MBTPS2: variants seen among roughly 807,000 people sequenced by gnomAD.
MBTPS2 encodes membrane-bound transcription factor site-2 protease.
In MBTPS2, 2 loss-of-function variants were observed where a neutral mutation model predicts 35.4. The observed-to-expected ratio is 0.06, with a 90% confidence interval of 0.02 to 0.18. The LOEUF (loss-of-function observed/expected upper bound fraction) is 0.18, where lower values mean the gene tolerates loss of function less well. Ranked by LOEUF, MBTPS2 falls within the 10% of genes least tolerant of loss-of-function variation. The probability of loss-of-function intolerance (pLI) is 1.00; values close to 1 mark genes in which losing one functional copy is unlikely to be tolerated. For synonymous variants in MBTPS2, 125 were observed against 140.4 expected (o/e 0.89, Z 0.77); for missense variants, 244 against 386.5 (o/e 0.63, Z 3.09).
At position 21,839,747 on chromosome X, in the gene MBTPS2, T is replaced by G. The variant is rs2147425818; in HGVS notation, c.13T>G (p.Ser5Ala). 1 of 1,187,977 alleles carries G rather than the reference T, an allele frequency of 8.4e-7. No individual in the cohort carries two copies. The highest frequency in any genetic ancestry group is 3.1e-5 in the East Asian group (1 of 32,780). The change falls in exon 1 of 11, where the codon TCG (serine) becomes GCG (alanine). Residue 5 changes from serine (S) to alanine (A), a missense_variant. Ser to Ala is a moderately conservative substitution (Grantham distance 99). Transcript: ENST00000379484. MIPV[S>A]LVVVVVGGWT... ...CGCCGCTGCCGCCATGATTCCGGTG[T>G]CGCTGGTGGTGGTGGTGGTGGGTGG... is the stretch of plus-strand genomic sequence containing the variant.
At chrX:21,850,373 C>T (rs1019306723) in intron 3 of MBTPS2, among the ~76,000 whole-genome samples, 3 of 111,392 alleles carry the variant, frequency 2.7e-5, no homozygotes, top group Non-Finnish European at 5.7e-5. Context: ...GAAGGACATA[C>T]ATCAGAATGG....
Position 21,851,588 on chromosome X carries a change from T to C in MBTPS2, c.518T>C (p.Ile173Thr), listed in dbSNP as rs1282986235. Reference sequence around the variant, plus strand: ...CTCATTAGTGGTGTTGTACATGAAATTGGACATGGGATAGCAGCTATTAGG... The same window carrying C: ...CTCATTAGTGGTGTTGTACATGAAACTGGACATGGGATAGCAGCTATTAGG... ...AVLISGVVHE[I>T]GHGIAAIREQ... is the part of the protein sequence containing the mutation. Residue 173 changes from isoleucine (I) to threonine (T), a missense_variant, in exon 4 of 11, where the codon ATT becomes ACT. Transcript: ENST00000379484. The C allele has an allele frequency of 3.4e-6, 4 of 1,192,733 alleles. No individual in the cohort carries two copies. In the South Asian group the frequency reaches 5.3e-5, roughly 16 times the overall value.
chrX:21,842,507 G>A (rs1009957906), intron 1 of MBTPS2, among the ~76,000 whole-genome samples: 22 of 109,309 alleles, frequency 2.0e-4, no homozygotes, highest in African/African-American at 6.7e-4. Flanking sequence ...AGCCACATGT[G>A]GTTATTGAGC....
intron 5 of MBTPS2, among the ~76,000 whole-genome samples, chrX:21,866,047 T>G (rs1364216537): frequency 9.0e-6 from 1 of 111,423 alleles, no homozygotes; most frequent in African/African-American, 3.3e-5. Flanking sequence ...TCAAGTGATC[T>G]GCCCACCTCA....
intron 5 of MBTPS2, 140 bp from the exon 6 acceptor site, chrX:21,868,327 T>G (rs1344731757): frequency 1.8e-6 from 1 of 552,640 alleles, no homozygotes; most frequent in Admixed American, 2.3e-5. Flanking sequence ...TCTGCTCTAC[T>G]AATAAGTAGA....
intron 7 of MBTPS2, among the ~76,000 whole-genome samples, chrX:21,877,034 T>C (rs998254101): frequency 8.9e-6 from 1 of 112,158 alleles, no homozygotes; most frequent in Non-Finnish European, 1.9e-5. Context: ...TTTGATGTGT[T>C]GGAATGCAGC....
intron 7 of MBTPS2, among the ~76,000 whole-genome samples, chrX:21,873,686 G>T (rs371720547): frequency 1.8e-5 from 2 of 109,903 alleles, no homozygotes; most frequent in African/African-American, 3.3e-5. Flanking sequence ...AGGAGGTGAG[G>T]GTTTATGCCC....
intron 7 of MBTPS2, chrX:21,871,305 T>A (rs1354474122): frequency 8.9e-6 from 1 of 112,277 alleles, no homozygotes; most frequent in Non-Finnish European, 1.9e-5. Context: ...TTTCCTTTAT[T>A]ATATATTGTT....
rs751466823 is a variant in MBTPS2 at position 21,874,345 on chromosome X, A to G, written c.971-3697A>G. ...CAGCCTCGTGTGTGTGTGTGTGTTT[A>G]ATTTTACTACTTGTTACTAGGCAAT... is the stretch of plus-strand genomic sequence containing the variant. On this transcript the variant is annotated intron_variant, in intron 7 of 10. Transcript: ENST00000379484. 1.3e-4 allele frequency among the ~76,000 whole-genome samples: 14 copies of G among 110,214 alleles called. No individual in the cohort carries two copies. In the East Asian group the frequency reaches 3.7e-3, roughly 29 times the overall value.
At chrX:21,869,750 T>C (rs2092944922) in intron 7 of MBTPS2, 72 bp downstream of exon 7, 1 of 805,880 alleles carries the variant, frequency 1.2e-6, no homozygotes, top group Non-Finnish European at 1.9e-6. Flanking sequence ...CCTTAAACCA[T>C]GTCTATACAT....
At chrX:21,856,269 T>C (rs2382759) in intron 5 of MBTPS2, 177,180 of 400,039 alleles carry the variant, frequency 0.44, 30,648 homozygotes, top group African/African-American at 0.74. Context: ...GGCTCGTGCT[T>C]TCCTCAGTCT....
chrX:21,884,272 T>G lies in MBTPS2; in HGVS notation c.*1617T>G. 18 of 743,320 alleles carry G rather than the reference T, an allele frequency of 2.4e-5. No individual in the cohort carries two copies. The highest frequency in any genetic ancestry group is 2.9e-5 in the Non-Finnish European group (18 of 629,017). The allele number at this position is 743,320 out of a possible 1,213,427, so 61.3% of individuals were successfully genotyped here. On this transcript the variant is annotated 3_prime_UTR_variant, in exon 11 of 11. Coordinates refer to ENST00000379484, the MANE Select transcript of MBTPS2 (RefSeq NM_015884.4). Reference sequence around the variant, plus strand: ...ATACAGTATTTGTTCTATTTTTAGGTAGACAATCATTTGGGATCAGAGTAC... The same window carrying G: ...ATACAGTATTTGTTCTATTTTTAGGGAGACAATCATTTGGGATCAGAGTAC...
intron 5 of MBTPS2, chrX:21,858,625 C>T (rs760124960): frequency 2.5e-3 from 312 of 122,648 alleles, no homozygotes; most frequent in Middle Eastern, 9.3e-3. Flanking sequence ...TGCAGGGGCT[C>T]AGGCCTGTAA....
rs1007471983 is a variant in MBTPS2, at chrX:21,883,476, A to G, written c.*821A>G. On this transcript the variant is annotated 3_prime_UTR_variant, in exon 11 of 11. Coordinates refer to ENST00000379484, the MANE Select transcript of MBTPS2 (RefSeq NM_015884.4). ...CGGGTCTCCTGACAGATCACAAGAC[A>G]CCCCAGAGGATCTTCAGCAGTCCTA... 15 of 751,837 alleles carry G rather than the reference A, an allele frequency of 2.0e-5. No individual in the cohort carries two copies. The Admixed American group carries it at 1.2e-3, about 58-fold the overall frequency. The allele number at this position is 751,837 out of a possible 1,213,427, so 62.0% of individuals were successfully genotyped here. A position where few individuals can be genotyped will look rare whatever the true frequency, so the allele number is the denominator to read the frequency against.
intron 4 of MBTPS2, among the ~76,000 whole-genome samples, chrX:21,851,903 A>C (rs945398262): frequency 9.0e-6 from 1 of 111,609 alleles, no homozygotes; most frequent in Admixed American, 9.6e-5. Flanking sequence ...GTTTTTTACC[A>C]AGTCCTAAAA....
intron 6 of MBTPS2, among the ~76,000 whole-genome samples, 182 bp downstream of exon 6, chrX:21,868,767 A>G (rs770919692): frequency 1.8e-5 from 2 of 112,773 alleles, no homozygotes; most frequent in South Asian, 7.3e-4. Context: ...GTTTTTTTAA[A>G]GTTTCATGAA....
intron 3 of MBTPS2, among the ~76,000 whole-genome samples, chrX:21,848,509 A>AAAAT (rs891468661): frequency 2.7e-5 from 3 of 109,390 alleles, no homozygotes; most frequent in African/African-American, 1.0e-4. Context: ...CTAAAAATAC[A>AAAAT]AAATAAATAA....
At chrX:21,856,336 TCGCGCCTTTCTCTG>T (rs2092921884) in intron 5 of MBTPS2, 2 of 508,715 alleles carry the variant, frequency 3.9e-6, no homozygotes, top group Non-Finnish European at 6.6e-6. Context: ...TCTCTGCAGC[TCGCGCCTTTCTCTG>T]CAGCTCGCGC....
intron 5 of MBTPS2, chrX:21,857,387 C>T: frequency 1.6e-6 from 2 of 1,212,325 alleles, no homozygotes; most frequent in Non-Finnish European, 2.2e-6. Flanking sequence ...TGAGACGACA[C>T]CAGCTGGTCC....
Sources: gnomAD v4.1 joint callset for allele counts (sites outside exome capture counted in the v4.1 genomes callset) on GRCh38, gnomAD v4.1.1 for gene constraint, MANE v1.5 for transcripts, NCBI Gene and HGNC (gene_info 2026-07-23, HGNC 2026-07-21) for gene names.